Variants in RBFOX1 observed in about 807,000 individuals in gnomAD.
RBFOX1 encodes the protein RNA binding fox-1 homolog 1.
RBFOX1 carries 8 observed loss-of-function variants against 57.7 expected under a neutral mutation model. The observed-to-expected ratio is 0.14, with a 90% CI of 0.08 to 0.25. RBFOX1 has a LOEUF of 0.25. Among genes scored for constraint, RBFOX1 ranks in the 10% least tolerant of loss-of-function variants. The pLI is 1.00. For missense variants in RBFOX1, 611 were observed against 548.5 expected, an observed-to-expected ratio of 1.11 and a Z score of -1.14; for synonymous variants, 326 against 222.4, an observed-to-expected ratio of 1.47 and a Z score of -4.15.
intron 14 of RBFOX1, among the ~76,000 whole-genome samples, chr16:7,698,181 A>AGG (rs201378849): frequency 0.014 from 628 of 46,138 alleles, 3 homozygotes; most frequent in South Asian, 0.037. Context: ...AGAGTCCAAG[A>AGG]GGGTGTGTGT....
In RBFOX1 at chr16:5,335,254, G is replaced by T. The variant is rs575175262; in HGVS notation, c.219+95149G>T. 2.6e-5 allele frequency among the ~76,000 whole-genome samples: 4 copies of T among 152,292 alleles called. No individual in the cohort carries two copies. In the South Asian group the frequency reaches 6.2e-4, roughly 24 times the overall value. ...AAAGGAATTCATGATACATCACAGA[G>T]ATTAGCCTTTTGGTTCATTCATTGC... On this transcript the variant is annotated intron_variant, in intron 1 of 2. Coordinates refer to the RBFOX1 transcript ENST00000585867.
chr16:7,491,804 T>A (rs564511222), intron 4 of RBFOX1, among the ~76,000 whole-genome samples: 7 of 152,102 alleles, frequency 4.6e-5, no homozygotes, highest in African/African-American at 1.4e-4. Context: ...CTAATTAATA[T>A]ATATATATTT....
intron 4 of RBFOX1, among the ~76,000 whole-genome samples, chr16:7,177,467 G>A (rs2081909106): frequency 6.7e-6 from 1 of 150,252 alleles, no homozygotes. Flanking sequence ...ACTGTAAATG[G>A]GTACAGATAG....
chr16:5,879,251 C>G (rs1300769763), intron 4 of RBFOX1, among the ~76,000 whole-genome samples: 1 of 152,230 alleles, frequency 6.6e-6, no homozygotes, highest in Non-Finnish European at 1.5e-5. Flanking sequence ...TGAGCAAATG[C>G]TGTGCTGGGC....
intron 3 of RBFOX1, among the ~76,000 whole-genome samples, chr16:6,910,388 G>C (rs1225284680): frequency 6.6e-6 from 1 of 152,126 alleles, no homozygotes; most frequent in African/African-American, 2.4e-5. Flanking sequence ...CACACACAAA[G>C]AGGAGAGCTT....
chr16:7,709,483 C>G (rs979683110), intron 15 of RBFOX1: 1 of 1,462,082 alleles, frequency 6.8e-7, no homozygotes, highest in Non-Finnish European at 9.0e-7. Context: ...CCTTGCTGCT[C>G]ATTCACATAG....
At chr16:6,397,390 C>T (rs1047508487) in intron 2 of RBFOX1, among the ~76,000 whole-genome samples, 4 of 152,068 alleles carry the variant, frequency 2.6e-5, no homozygotes, top group East Asian at 1.9e-4. Flanking sequence ...AATATAATGA[C>T]GTCTTTTAAT....
intron 3 of RBFOX1, among the ~76,000 whole-genome samples, chr16:6,843,900 G>C (rs1159949136): frequency 1.3e-5 from 2 of 152,094 alleles, no homozygotes; most frequent in South Asian, 4.1e-4. Context: ...CAGTATCTAA[G>C]AATATGGGGG....
At chr16:5,727,677 G>C (rs2052204439) in intron 3 of RBFOX1, among the ~76,000 whole-genome samples, 2 of 151,946 alleles carry the variant, frequency 1.3e-5, no homozygotes, top group South Asian at 4.2e-4. Flanking sequence ...CTCTGTTTTT[G>C]TTGTTGTTGT....
intron 3 of RBFOX1, among the ~76,000 whole-genome samples, chr16:6,845,799 C>G (rs1429058174): frequency 6.6e-6 from 1 of 152,228 alleles, no homozygotes; most frequent in South Asian, 2.1e-4. Flanking sequence ...AAGGCTCTTT[C>G]ATATTTTAGA....
intron 3 of RBFOX1, among the ~76,000 whole-genome samples, chr16:5,791,761 G>T (rs1279815627): frequency 6.6e-6 from 1 of 152,182 alleles, no homozygotes; most frequent in African/African-American, 2.4e-5. Context: ...GTATTCAAAA[G>T]TAAGCAATGC....
chr16:6,426,128 T>C (rs1303396369), intron 2 of RBFOX1, among the ~76,000 whole-genome samples: 3 of 151,508 alleles, frequency 2.0e-5, no homozygotes, highest in African/African-American at 7.3e-5. Flanking sequence ...CTCTCTCTTA[T>C]TCTCTCTCTC....
At chr16:6,189,238 A>G (rs2097126882) in intron 1 of RBFOX1, among the ~76,000 whole-genome samples, 1 of 152,230 alleles carries the variant, frequency 6.6e-6, no homozygotes, top group South Asian at 2.1e-4. Context: ...AGCATTGAGG[A>G]TGAAGCTGAT....
At chr16:7,438,133 A>G (rs1373168160) in intron 4 of RBFOX1, among the ~76,000 whole-genome samples, 1 of 152,202 alleles carries the variant, frequency 6.6e-6, no homozygotes, top group East Asian at 1.9e-4. Context: ...AAATCTTGGC[A>G]GGTGGGAATT....
Position 6,055,675 on chromosome 16 carries a change from A to G in RBFOX1, c.-127+35683A>G, listed in dbSNP as rs2152446141. On this transcript the variant is annotated intron_variant, in intron 1 of 15. Coordinates refer to ENST00000550418, the MANE Select transcript of RBFOX1 (RefSeq NM_018723.4). Reference sequence around the variant, plus strand: ...ATGGAAGTTTGCAGTCTGAGAAGCGAGACAAAAAAAAGTGAAATCATTGCG... The same window carrying G: ...ATGGAAGTTTGCAGTCTGAGAAGCGGGACAAAAAAAAGTGAAATCATTGCG... Among the ~76,000 whole-genome samples, 2 of 151,720 alleles carry G rather than the reference A, an allele frequency of 1.3e-5. 1 individual carries two copies. Among genetic ancestry groups the G allele is most frequent in the South Asian group, 4.2e-4 (2 of 4,784 alleles).
At chr16:6,060,642 T>C (rs1368663440) in intron 1 of RBFOX1, among the ~76,000 whole-genome samples, 3 of 152,152 alleles carry the variant, frequency 2.0e-5, no homozygotes, top group African/African-American at 7.2e-5. Context: ...CAACACAGAA[T>C]CCTTTGGCTG....
At chr16:6,282,421 C>T (rs1345938170) in intron 1 of RBFOX1, among the ~76,000 whole-genome samples, 1 of 143,778 alleles carries the variant, frequency 7.0e-6, no homozygotes, top group East Asian at 2.1e-4. Context: ...AGAGAGTGTG[C>T]AAGTTTGTTA....
chr16:7,214,695 CACAG>C (rs2091738488), intron 4 of RBFOX1, among the ~76,000 whole-genome samples: 3 of 152,106 alleles, frequency 2.0e-5, no homozygotes, highest in Admixed American at 2.0e-4. Flanking sequence ...GAACCCTTCA[CACAG>C]GCTACCGTAT....
chr16:5,995,212 A>G (rs886373386), intron 4 of RBFOX1, among the ~76,000 whole-genome samples: 3 of 152,214 alleles, frequency 2.0e-5, no homozygotes, highest in Non-Finnish European at 2.9e-5. Flanking sequence ...ACTGCTCAGT[A>G]TTTCACATTT....
Sources: allele counts gnomAD v4.1 joint callset (sites outside exome capture counted in the v4.1 genomes callset), GRCh38; gene constraint gnomAD v4.1.1; transcripts MANE v1.5; gene names NCBI Gene and HGNC (gene_info 2026-07-23, HGNC 2026-07-21).